Variants in SLC14A2 observed in about 807,000 individuals in gnomAD.
SLC14A2 encodes the protein urea transporter 2.
SLC14A2 carries 91 observed loss-of-function variants against 104.6 expected under a neutral mutation model. The observed-to-expected ratio is 0.87, with a 90% CI of 0.73 to 1.04. SLC14A2 has a LOEUF of 1.04. SLC14A2 is among the 50% of genes least tolerant of loss of function. SLC14A2 has a pLI of 0.00. For missense variants in SLC14A2, 1,189 were observed against 1,156.0 expected (o/e 1.03, Z -0.41); for synonymous variants, 476 against 466.4 (o/e 1.02, Z -0.27).
intron 1 of SLC14A2, among the ~76,000 whole-genome samples, chr18:45,364,946 G>C (rs1482934860): frequency 6.6e-6 from 1 of 152,212 alleles, no homozygotes; most frequent in East Asian, 1.9e-4. Flanking sequence ...CAGATATAAA[G>C]AGTAACAGAA....
intron 5 of SLC14A2, among the ~76,000 whole-genome samples, chr18:45,633,300 C>T (rs1241569165): frequency 6.6e-6 from 1 of 152,170 alleles, no homozygotes; most frequent in Admixed American, 6.5e-5. Flanking sequence ...GTAACCAAGA[C>T]CTAAAAGCTG....
At chr18:45,264,980 G>A (rs1340569887) in intron 1 of SLC14A2, among the ~76,000 whole-genome samples, 6 of 152,156 alleles carry the variant, frequency 3.9e-5, no homozygotes, top group Non-Finnish European at 7.3e-5. Flanking sequence ...GCAAAGTAGA[G>A]AATATCCAGA....
intron 1 of SLC14A2, among the ~76,000 whole-genome samples, chr18:45,462,759 G>A (rs946995462): frequency 6.6e-6 from 1 of 152,068 alleles, no homozygotes; most frequent in African/African-American, 2.4e-5. Context: ...ATCTGGTTTT[G>A]CATTTTTTTT....
At chr18:45,445,792 T>C (rs1269601287) in intron 1 of SLC14A2, among the ~76,000 whole-genome samples, 3 of 152,136 alleles carry the variant, frequency 2.0e-5, no homozygotes, top group African/African-American at 7.2e-5. Context: ...GGCCCTTCCC[T>C]CCCAAATATT....
At chr18:45,188,956 G>A in the SLC14A2 span, among the ~76,000 whole-genome samples, 1 of 152,164 alleles carries the variant, frequency 6.6e-6, no homozygotes, top group Non-Finnish European at 1.5e-5. Context: ...CTGCTTGCAG[G>A]CCTCCTGTTG....
intron 1 of SLC14A2, among the ~76,000 whole-genome samples, chr18:45,453,471 TTAAA>T (rs1416469783): frequency 6.6e-6 from 1 of 152,200 alleles, no homozygotes; most frequent in Non-Finnish European, 1.5e-5. Flanking sequence ...ATCAAAATGT[TTAAA>T]TAAAGACAGG....
At chr18:45,428,172 T>C (rs2086462217) in intron 1 of SLC14A2, among the ~76,000 whole-genome samples, 4 of 152,184 alleles carry the variant, frequency 2.6e-5, no homozygotes, top group Admixed American at 2.6e-4. Flanking sequence ...TTCTGGAAGT[T>C]ATGTCATTGA....
At chr18:45,174,151 C>T in the SLC14A2 span, among the ~76,000 whole-genome samples, 19,128 of 152,040 alleles carry the variant, frequency 0.13, 1,603 homozygotes, top group South Asian at 0.18. Context: ...AAGCACAGGG[C>T]AGATCAGATA....
intron 1 of SLC14A2, among the ~76,000 whole-genome samples, chr18:45,423,325 C>G (rs2086375204): frequency 6.6e-6 from 1 of 152,190 alleles, no homozygotes; most frequent in Non-Finnish European, 1.5e-5. Flanking sequence ...GAAGCAGTAG[C>G]TGAAGTACAG....
intron 10 of SLC14A2, among the ~76,000 whole-genome samples, chr18:45,644,941 T>C (rs1169696899): frequency 6.6e-6 from 1 of 152,144 alleles, no homozygotes; most frequent in African/African-American, 2.4e-5. Flanking sequence ...GGTGGTTTGC[T>C]GCACCTATCA....
intron 19 of SLC14A2, among the ~76,000 whole-genome samples, chr18:45,680,397 G>T (rs2046294779): frequency 6.6e-6 from 1 of 152,162 alleles, no homozygotes; most frequent in Non-Finnish European, 1.5e-5. Context: ...TACCTAGTTT[G>T]CCTACTGTGT....
intron 5 of SLC14A2, among the ~76,000 whole-genome samples, chr18:45,633,133 T>C (rs1019157042): frequency 9.2e-5 from 14 of 152,238 alleles, no homozygotes; most frequent in African/African-American, 3.4e-4. Flanking sequence ...TAAGTATGGC[T>C]ACATTTGCCA....
chr18:45,212,578 G>C (rs1019493380), upstream of SLC14A2, among the ~76,000 whole-genome samples: 2 of 152,074 alleles, frequency 1.3e-5, no homozygotes, highest in Non-Finnish European at 2.9e-5. Context: ...TGTAATAATG[G>C]CCCCTAATCT....
At chr18:45,245,473 G>A (rs1223801883) in intron 1 of SLC14A2, among the ~76,000 whole-genome samples, 3 of 152,100 alleles carry the variant, frequency 2.0e-5, no homozygotes, top group African/African-American at 7.2e-5. Context: ...ATTTAACAGA[G>A]CTCTATGCAG....
intron 1 of SLC14A2, among the ~76,000 whole-genome samples, chr18:45,271,803 A>C (rs1004906302): frequency 6.6e-6 from 1 of 152,140 alleles, no homozygotes; most frequent in Non-Finnish European, 1.5e-5. Flanking sequence ...AAAAATCCTA[A>C]AATTTATATC....
chr18:45,624,951 A>T, intron 2 of SLC14A2, 137 bp downstream of exon 2: 1 of 824,426 alleles, frequency 1.2e-6, no homozygotes, highest in South Asian at 1.8e-5. Context: ...GGTGACACCC[A>T]TGGTGGGTCC....
the SLC14A2 span, among the ~76,000 whole-genome samples, chr18:45,185,136 C>T: frequency 6.6e-6 from 1 of 152,220 alleles, no homozygotes; most frequent in African/African-American, 2.4e-5. Flanking sequence ...TTCACTGCAT[C>T]TCACACTTGA....
intron 2 of SLC14A2, among the ~76,000 whole-genome samples, chr18:45,533,319 A>G (rs1222549787): frequency 2.0e-5 from 3 of 152,010 alleles, no homozygotes; most frequent in East Asian, 3.9e-4. Flanking sequence ...CTGTGAATCC[A>G]TCTGGTCCTG....
chr18:45,671,041 G>T (rs185057526), intron 16 of SLC14A2, among the ~76,000 whole-genome samples: 111 of 152,294 alleles, frequency 7.3e-4, no homozygotes, highest in African/African-American at 2.5e-3. Context: ...AAGAAAAGGT[G>T]CTGTGCTGGC....
Sources: allele counts gnomAD v4.1 joint callset (sites outside exome capture counted in the v4.1 genomes callset), GRCh38; gene constraint gnomAD v4.1.1; transcripts MANE v1.5; gene names NCBI Gene and HGNC (gene_info 2026-07-23, HGNC 2026-07-21).